Variants in ADAMTS12 observed in about 807,000 individuals in gnomAD.
ADAMTS12 encodes A disintegrin and metalloproteinase with thrombospondin motifs 12.
A neutral mutation model predicts 167.8 loss-of-function variants in ADAMTS12; 118 were observed. That is an observed-to-expected ratio of 0.70 (90% CI 0.61 to 0.82). ADAMTS12 has a LOEUF of 0.82. Among genes scored for constraint, ADAMTS12 ranks in the 40% least tolerant of loss-of-function variants. The pLI, the probability that ADAMTS12 is intolerant of heterozygous loss-of-function variation, is 0.00. For synonymous variants in ADAMTS12, 704 were observed against 716.9 expected, an observed-to-expected ratio of 0.98 and a Z score of 0.29; for missense variants, 1,916 against 1,998.8, an observed-to-expected ratio of 0.96 and a Z score of 0.79.
chr5:33,551,566 C>CT (rs1745255296), intron 20 of ADAMTS12, among the ~76,000 whole-genome samples: 1 of 152,100 alleles, frequency 6.6e-6, no homozygotes, highest in Non-Finnish European at 1.5e-5. Flanking sequence ...AACAAGAGTA[C>CT]TTTTTATTAG....
intron 20 of ADAMTS12, among the ~76,000 whole-genome samples, chr5:33,551,982 G>A (rs555580320): frequency 2.6e-5 from 4 of 152,260 alleles, no homozygotes; most frequent in South Asian, 4.2e-4. Flanking sequence ...CCAGACTGAC[G>A]ACAAGAGGCA....
At chr5:33,876,453 T>G (rs1219576345) in intron 2 of ADAMTS12, among the ~76,000 whole-genome samples, 1 of 152,158 alleles carries the variant, frequency 6.6e-6, no homozygotes, top group African/African-American at 2.4e-5. Flanking sequence ...AAAACTCAGA[T>G]ATAGACTCGC....
chr5:33,553,254 T>C (rs1434956826), intron 20 of ADAMTS12, among the ~76,000 whole-genome samples: 2 of 152,236 alleles, frequency 1.3e-5, no homozygotes, highest in African/African-American at 2.4e-5. Flanking sequence ...GGAATGCTTA[T>C]ATACTGCTGG....
chr5:33,809,482 TTATC>T (rs33981490), intron 2 of ADAMTS12, among the ~76,000 whole-genome samples: 73,761 of 151,602 alleles, frequency 0.49, 19,256 homozygotes, highest in East Asian at 0.78. Flanking sequence ...TTCAAAATTT[TTATC>T]TATCTTTGTT....
chr5:33,873,474 T>A (rs1454721195), intron 2 of ADAMTS12, among the ~76,000 whole-genome samples: 2 of 152,188 alleles, frequency 1.3e-5, no homozygotes, highest in African/African-American at 4.8e-5. Flanking sequence ...TCAATGTTAT[T>A]CAAATGTTAG....
At position 33,614,290 on chromosome 5, in the gene ADAMTS12, C is replaced by T. The variant is rs1579748381; in HGVS notation, c.2475G>A (p.Met825Ile). 1 of 1,614,000 alleles carries T rather than the reference C, an allele frequency of 6.2e-7. No homozygotes were observed. The highest frequency in any genetic ancestry group is 1.3e-5 in the African/African-American group (1 of 74,948). Reference protein sequence around the residue: ...DGLDNDVEQQMYFWQYGHWTE... With the variant: ...DGLDNDVEQQIYFWQYGHWTE... ...TCCAGTGGCCGTACTGCCAGAAGTA[C>T]ATCTGCTGCTCAACATCATTGTCAA... Residue 825 changes from methionine (M) to isoleucine (I), a missense_variant, in exon 16 of 24, where the codon ATG becomes ATA. Met to Ile is a conservative substitution (Grantham distance 10, BLOSUM62 1). Coordinates refer to ENST00000504830, the MANE Select transcript of ADAMTS12 (RefSeq NM_030955.4).
intron 2 of ADAMTS12, among the ~76,000 whole-genome samples, chr5:33,837,945 T>C (rs1450959649): frequency 3.9e-5 from 6 of 152,230 alleles, no homozygotes; most frequent in Non-Finnish European, 8.8e-5. Flanking sequence ...GAAACTATAA[T>C]TTACTAAGCC....
chr5:33,812,141 T>C (rs1747485809), intron 2 of ADAMTS12, among the ~76,000 whole-genome samples: 1 of 151,814 alleles, frequency 6.6e-6, no homozygotes, highest in Admixed American at 6.6e-5. Flanking sequence ...AAAACAAAAA[T>C]AGCCAGTCTT....
intron 19 of ADAMTS12, among the ~76,000 whole-genome samples, chr5:33,562,612 C>A (rs369768697): frequency 1.3e-5 from 2 of 151,222 alleles, no homozygotes; most frequent in African/African-American, 4.9e-5. Flanking sequence ...GTTTCTCTTG[C>A]TGTAACTTCA....
intron 6 of ADAMTS12, among the ~76,000 whole-genome samples, chr5:33,661,011 T>C (rs1388996053): frequency 6.6e-6 from 1 of 152,152 alleles, no homozygotes. Context: ...GCCAAAATGT[T>C]CATGGGCAGC....
chr5:33,890,872 C>T (rs1476424408), intron 1 of ADAMTS12, among the ~76,000 whole-genome samples: 2 of 152,172 alleles, frequency 1.3e-5, no homozygotes, highest in East Asian at 3.8e-4. Flanking sequence ...GACAGCAACA[C>T]TGGTACCTGC....
At position 33,861,868 on chromosome 5, in the gene ADAMTS12, T is replaced by C. The variant is rs570458890; in HGVS notation, c.489+19251A>G. ...GCAATCAAATTAGAACTCAGGATTA[T>C]GAAACTCACTCAAAACCTCACAAGT... On this transcript the variant is annotated intron_variant, in intron 2 of 23. Transcript: ENST00000504830. 3.0e-4 allele frequency among the ~76,000 whole-genome samples: 46 copies of C among 152,170 alleles called. 1 individual carries two copies. In the South Asian group the frequency reaches 9.1e-3, roughly 30 times the overall value.
chr5:33,594,672 A>G, intron 17 of ADAMTS12, among the ~76,000 whole-genome samples: 1 of 152,172 alleles, frequency 6.6e-6, no homozygotes, highest in Non-Finnish European at 1.5e-5. Context: ...GAGCTACAGC[A>G]CGGAGAGGCA....
At chr5:33,664,054 A>G (rs1342059169) in intron 5 of ADAMTS12, among the ~76,000 whole-genome samples, 2 of 152,194 alleles carry the variant, frequency 1.3e-5, no homozygotes, top group East Asian at 3.8e-4. Context: ...TGAAGATTCA[A>G]CATAATAAAG....
At chr5:33,606,283 C>T (rs1424567015) in intron 16 of ADAMTS12, among the ~76,000 whole-genome samples, 1 of 152,168 alleles carries the variant, frequency 6.6e-6, no homozygotes, top group African/African-American at 2.4e-5. Context: ...CCATGACATA[C>T]TAATAGGACT....
At chr5:33,744,638 T>C (rs7703842) in intron 3 of ADAMTS12, among the ~76,000 whole-genome samples, 107,482 of 151,888 alleles carry the variant, frequency 0.71, 38,281 homozygotes, top group Non-Finnish European at 0.75. Context: ...ACAGTAATGA[T>C]ACTGGGGAAA....
chr5:33,662,114 C>A, intron 5 of ADAMTS12, 74 bp from the exon 6 acceptor site: 1 of 1,562,916 alleles, frequency 6.4e-7, no homozygotes, highest in South Asian at 1.1e-5. Flanking sequence ...AGGCATTCAT[C>A]TCCAGAGGTG....
At chr5:33,629,752 C>G (rs1235053933) in intron 13 of ADAMTS12, among the ~76,000 whole-genome samples, 1 of 152,180 alleles carries the variant, frequency 6.6e-6, no homozygotes, top group East Asian at 1.9e-4. Context: ...TTTTGCAATT[C>G]TCTTCAACTT....
chr5:33,636,323 A>G lies in ADAMTS12; in HGVS notation c.1888+1254T>C, dbSNP rs895754746. On this transcript the variant is annotated intron_variant, in intron 12 of 23. Transcript: ENST00000504830. ...TTAACAAATCAAGAATGCGCAGGATATACACATAGATAGCACTGGCTGGAT... is the reference window on the plus strand; with the variant it reads ...TTAACAAATCAAGAATGCGCAGGATGTACACATAGATAGCACTGGCTGGAT... Among the ~76,000 whole-genome samples, 21 of 152,326 alleles carry G rather than the reference A, an allele frequency of 1.4e-4. 1 individual carries two copies. The South Asian group carries it at 4.1e-3, about 30-fold the overall frequency.
Sources: gnomAD v4.1 joint callset for allele counts (sites outside exome capture counted in the v4.1 genomes callset) on GRCh38, gnomAD v4.1.1 for gene constraint, MANE v1.5 for transcripts, NCBI Gene and HGNC (gene_info 2026-07-23, HGNC 2026-07-21) for gene names.